The following SMOX variants were observed in gnomAD, a reference collection of about 807,000 sequenced individuals.
SMOX encodes the protein spermine oxidase, also known as flavin containing amine oxidase.
SMOX carries 22 observed loss-of-function variants against 51.0 expected under a neutral mutation model. The ratio of observed to expected loss-of-function variants is 0.43; its 90% CI spans 0.31 to 0.62. The LOEUF (loss-of-function observed/expected upper bound fraction) is 0.62, where lower values mean the gene tolerates loss of function less well. Ranked by LOEUF, SMOX falls within the 20% of genes least tolerant of loss-of-function variation. SMOX has a pLI of 0.10. For missense variants in SMOX, 566 were observed against 777.7 expected (o/e 0.73, Z 3.24); for synonymous variants, 282 against 307.8 (o/e 0.92, Z 0.88).
At chr20:4,186,075 G>A (rs1032410891) in intron 6 of SMOX, among the ~76,000 whole-genome samples, 1 of 152,138 alleles carries the variant, frequency 6.6e-6, no homozygotes, top group African/African-American at 2.4e-5. Context: ...GCCGAAGTGG[G>A]AGGATGGCTT....
Position 4,153,242 on chromosome 20 carries a change from C to T in SMOX, c.-27+4265C>T, listed in dbSNP as rs1004227364. On this transcript the variant is annotated intron_variant, in intron 1 of 6. Coordinates refer to ENST00000305958, the MANE Select transcript of SMOX (RefSeq NM_175839.3). The surrounding 1 kb of genome is among the most constrained non-coding windows in gnomAD (Gnocchi z 4.4). Reference sequence around the variant, plus strand: ...GGTCTGCTGCTTCTGGTTCAGCTACCGCTTTCTGCCTGAGATGCCATCATT... The same window carrying T: ...GGTCTGCTGCTTCTGGTTCAGCTACTGCTTTCTGCCTGAGATGCCATCATT... Among the ~76,000 whole-genome samples, 7 of 152,214 alleles carry T rather than the reference C, an allele frequency of 4.6e-5. No individual in the cohort carries two copies. The highest frequency in any genetic ancestry group is 8.8e-5 in the Non-Finnish European group (6 of 68,040).
chr20:4,161,444 TTC>T (rs1253762185), intron 1 of SMOX, among the ~76,000 whole-genome samples: 4 of 152,198 alleles, frequency 2.6e-5, no homozygotes, highest in Non-Finnish European at 4.4e-5. Context: ...GGTATTTGGC[TTC>T]TGTCATTTTT....
rs115591504 is a variant in SMOX at position 4,177,754 on chromosome 20, C to T, written c.435+177C>T. 3.3e-3 allele frequency among the ~76,000 whole-genome samples: 504 copies of T among 152,196 alleles called. 3 individuals carry two copies. Among genetic ancestry groups the T allele is most frequent in the African/African-American group, 0.012 (485 of 41,518 alleles). ...TGATTTTTATATATTGATTTGTTAG[C>T]TTGCTAAATTATTTTTAATTCTAAT... On this transcript the variant is annotated intron_variant, in intron 3 of 6. Coordinates refer to ENST00000305958, the MANE Select transcript of SMOX (RefSeq NM_175839.3). The surrounding 1 kb of genome is among the most constrained non-coding windows in gnomAD (Gnocchi z 4.3).
chr20:4,176,685 G>A (rs977292229), intron 2 of SMOX, among the ~76,000 whole-genome samples: 5 of 152,182 alleles, frequency 3.3e-5, no homozygotes, highest in African/African-American at 1.2e-4. Context: ...AGTATATGAT[G>A]CCTTGGCTGG....
rs577374934 is a variant in SMOX, at chr20:4,187,634, C to G, written c.*227C>G. ...ACCTCTGTGCTGGATCCCGTGCCCC[C>G]ACTTGCCTACCCTCTGTCCTGCCTT... On this transcript the variant is annotated 3_prime_UTR_variant, in exon 7 of 7. Coordinates refer to ENST00000305958, the MANE Select transcript of SMOX (RefSeq NM_175839.3). The surrounding 1 kb of genome is among the most constrained non-coding windows in gnomAD (Gnocchi z 4.8). 1 of 552,792 alleles carries G rather than the reference C, an allele frequency of 1.8e-6. No individual in the cohort carries two copies. The highest frequency in any genetic ancestry group is 3.1e-6 in the Non-Finnish European group (1 of 318,430). The allele number at this position is 552,792 out of a possible 1,614,324, so 34.2% of individuals were successfully genotyped here.
chr20:4,155,331 C>T (rs182882436), intron 1 of SMOX, among the ~76,000 whole-genome samples: 210 of 152,190 alleles, frequency 1.4e-3, no homozygotes, highest in African/African-American at 4.5e-3. Context: ...CTGATGGTTA[C>T]GTGAGCTGCT....
chr20:4,164,114 G>C (rs1986451420), intron 1 of SMOX, among the ~76,000 whole-genome samples: 1 of 152,092 alleles, frequency 6.6e-6, no homozygotes, highest in South Asian at 2.1e-4. Flanking sequence ...CTTCTATCCT[G>C]ATCCCCTGTT....
At chr20:4,173,082 TAGTG>T (rs1370693559) in intron 1 of SMOX, among the ~76,000 whole-genome samples, 1 of 152,224 alleles carries the variant, frequency 6.6e-6, no homozygotes. Flanking sequence ...ACTATCTTGT[TAGTG>T]AGGTCTATGT....
rs766382640 is a variant in SMOX at position 4,175,106 on chromosome 20, C to T, written c.51C>T (p.Arg17=). 41 of 1,614,122 alleles carry T rather than the reference C, an allele frequency of 2.5e-5. No individual in the cohort carries two copies. Among genetic ancestry groups the T allele is most frequent in the Middle Eastern group, 1.6e-4 (1 of 6,082 alleles). The change falls in exon 2 of 7, where the codon CGC becomes CGT. Residue 17 remains arginine (R), a synonymous_variant. Coordinates refer to ENST00000305958, the MANE Select transcript of SMOX (RefSeq NM_175839.3). ...SGDSADDPLS[R]GLRRRGQPRV... ...ACAGTGCGGATGACCCTCTCAGTCG[C>T]GGCCTACGGAGAAGGGGACAGCCTC...
chr20:4,168,997 G>C (rs1986707896), intron 1 of SMOX, among the ~76,000 whole-genome samples: 1 of 151,198 alleles, frequency 6.6e-6, no homozygotes, highest in African/African-American at 2.4e-5. Context: ...GCCCAGACTA[G>C]AGTGCTGTGG....
At chr20:4,178,509 T>G (rs1000557228) in intron 3 of SMOX, among the ~76,000 whole-genome samples, 1 of 152,090 alleles carries the variant, frequency 6.6e-6, no homozygotes, top group East Asian at 1.9e-4. Context: ...TTTTAAAAAA[T>G]TATTAATATT....
intron 1 of SMOX, among the ~76,000 whole-genome samples, chr20:4,152,584 G>A (rs1056205464): frequency 1.3e-5 from 2 of 152,064 alleles, no homozygotes; most frequent in African/African-American, 4.8e-5. Context: ...CCAGATCTGG[G>A]ATGGGGCTGG....
intron 3 of SMOX, among the ~76,000 whole-genome samples, chr20:4,178,274 T>A (rs1262052833): frequency 1.3e-5 from 2 of 152,182 alleles, no homozygotes; most frequent in Non-Finnish European, 2.9e-5. Flanking sequence ...CCTGACTTCA[T>A]GATCGGCCTA....
At chr20:4,184,728 CAGAA>C (rs1434526528) in intron 6 of SMOX, among the ~76,000 whole-genome samples, 2 of 152,248 alleles carry the variant, frequency 1.3e-5, no homozygotes, top group Non-Finnish European at 2.9e-5. Flanking sequence ...GAGAGGTCCT[CAGAA>C]AGGCCCTTTC....
chr20:4,175,122 G>A lies in SMOX; in HGVS notation c.67G>A (p.Gly23Arg), dbSNP rs1978735289. The change falls in exon 2 of 7, where the codon GGA becomes AGA. Residue 23 changes from glycine (G) to arginine (R), a missense_variant. Gly to Arg is a moderately radical substitution (Grantham distance 125, BLOSUM62 -2). Coordinates refer to ENST00000305958, the MANE Select transcript of SMOX (RefSeq NM_175839.3). Reference sequence around the variant, plus strand: ...TCTCAGTCGCGGCCTACGGAGAAGGGGACAGCCTCGTGTGGTGGTGATCGG... The same window carrying A: ...TCTCAGTCGCGGCCTACGGAGAAGGAGACAGCCTCGTGTGGTGGTGATCGG... The part of the protein sequence containing the change: ...DPLSRGLRRR[G>R]QPRVVVIGAG... 6.2e-6 allele frequency: 10 copies of A among 1,614,244 alleles called. No individual in the cohort carries two copies. The highest frequency in any genetic ancestry group is 8.5e-6 in the Non-Finnish European group (10 of 1,180,054).
intron 1 of SMOX, among the ~76,000 whole-genome samples, chr20:4,161,951 G>A (rs151066527): frequency 2.5e-3 from 383 of 152,296 alleles, no homozygotes; most frequent in Middle Eastern, 0.01. Flanking sequence ...CGTGCCCCCC[G>A]CCTGCCCGGT....
At position 4,177,247 on chromosome 20, in the gene SMOX, G is replaced by A; in HGVS notation, c.209-104G>A. ...GGAAGTTCAAGCTCTTTCCTGCCCT[G>A]TTGTAGGGTGGAAAGACCCTCTTGG... On this transcript the variant is annotated intron_variant, in intron 2 of 6. Transcript: ENST00000305958. This position sits in a 1 kb window ranked among gnomAD's most constrained non-coding sequence, Gnocchi z 4.3. The A allele has an allele frequency of 9.9e-7, 1 of 1,012,216 alleles. No individual in the cohort carries two copies. Among genetic ancestry groups the A allele is most frequent in the Non-Finnish European group, 1.5e-6 (1 of 685,186 alleles). The allele number at this position is 1,012,216 out of a possible 1,614,324, so 62.7% of individuals were successfully genotyped here. A position where few individuals can be genotyped will look rare whatever the true frequency, so the allele number is the denominator to read the frequency against.
At chr20:4,163,040 A>C (rs981598715) in intron 1 of SMOX, among the ~76,000 whole-genome samples, 9 of 152,170 alleles carry the variant, frequency 5.9e-5, no homozygotes, top group African/African-American at 2.2e-4. Flanking sequence ...GGGAGACCCA[A>C]GCCTAAGCCC....
At position 4,182,138 on chromosome 20, in the gene SMOX, G is replaced by C. The variant is rs1979374302; in HGVS notation, c.659G>C (p.Ser220Thr). Residue 220 changes from serine (S) to threonine (T), a missense_variant, in exon 5 of 7, where the codon AGC becomes ACC. Ser to Thr is a moderately conservative substitution (Grantham distance 58, BLOSUM62 1). Around this residue, in one of 3 missense-constraint regions of SMOX, gnomAD observed 347 missense variants for 481.8 expected, o/e 0.72. Transcript: ENST00000305958. The surrounding 1 kb of genome is among the most constrained non-coding windows in gnomAD (Gnocchi z 8.4). The stretch of plus-strand genomic sequence containing the variant: ...CACAGCATGGACGAGGTGTCCCTGA[G>C]CGCCTTCGGGGAGTGGACCGAGATC... ...SSHSMDEVSL[S>T]AFGEWTEIPG... 1 of 1,610,108 alleles carries C rather than the reference G, an allele frequency of 6.2e-7. No homozygotes were observed. Among genetic ancestry groups the C allele is most frequent in the Non-Finnish European group, 8.5e-7 (1 of 1,177,868 alleles).
Sources: gnomAD v4.1 joint callset for allele counts (sites outside exome capture counted in the v4.1 genomes callset) on GRCh38, gnomAD v4.1.1 for gene constraint, gnomAD v4.1.1 regional missense constraint, Gnocchi (gnomAD v3.1) non-coding constraint, MANE v1.5 for transcripts, NCBI Gene and HGNC (gene_info 2026-07-23, HGNC 2026-07-21) for gene names.